The following SGCZ variants were observed in gnomAD, a reference collection of about 807,000 sequenced individuals.
SGCZ encodes zeta-sarcoglycan.
Under a neutral mutation model 41.3 loss-of-function variants are expected in SGCZ, and 40 were observed. The observed-to-expected ratio is 0.97, with a 90% CI of 0.75 to 1.26. SGCZ has a LOEUF of 1.26. Among genes scored for constraint, SGCZ ranks in the 50% most tolerant of loss-of-function variants. SGCZ has a pLI of 0.00. For synonymous variants in SGCZ, 206 were observed against 137.5 expected (o/e 1.50, Z -3.49); for missense variants, 552 against 369.8 (o/e 1.49, Z -4.04).
intron 2 of SGCZ, among the ~76,000 whole-genome samples, chr8:14,368,870 A>T (rs1803811471): frequency 6.6e-6 from 1 of 151,844 alleles, no homozygotes; most frequent in Admixed American, 6.6e-5. Flanking sequence ...AAGAGGGGAA[A>T]TCAAACACCA....
intron 1 of SGCZ, among the ~76,000 whole-genome samples, chr8:14,949,970 T>A (rs1800578251): frequency 6.6e-6 from 1 of 151,972 alleles, no homozygotes; most frequent in Non-Finnish European, 1.5e-5. Context: ...TCTTTAAGAG[T>A]AACCAATAAT....
chr8:14,585,714 A>G (rs1440264765), intron 1 of SGCZ, among the ~76,000 whole-genome samples: 3 of 152,184 alleles, frequency 2.0e-5, no homozygotes, highest in Middle Eastern at 3.2e-3. Context: ...CAAAAAATAT[A>G]TAATGTTTCT....
chr8:15,202,593 C>A (rs1434371908), intron 1 of SGCZ, among the ~76,000 whole-genome samples: 1 of 152,076 alleles, frequency 6.6e-6, no homozygotes, highest in African/African-American at 2.4e-5. Flanking sequence ...CAGAAATCAC[C>A]ACCAAAGAAT....
In SGCZ at chr8:14,614,858, T is replaced by A. The variant is rs113495381; in HGVS notation, c.40-59932A>T. 9.3e-3 allele frequency among the ~76,000 whole-genome samples: 1,411 copies of A among 152,264 alleles called. 18 individuals are homozygous for A. The highest frequency in any genetic ancestry group is 0.032 in the African/African-American group (1,341 of 41,554). ...ATTTGAATAAAAACCAAATTATATG[T>A]AATGTTGATGACTAAAATGTAAAAT... On this transcript the variant is annotated intron_variant, in intron 1 of 7. Transcript: ENST00000382080.
intron 1 of SGCZ, among the ~76,000 whole-genome samples, chr8:14,908,732 T>C (rs117582251): frequency 0.013 from 1,599 of 125,094 alleles, 79 homozygotes; most frequent in Admixed American, 0.11. Flanking sequence ...CCTGGTGATC[T>C]GTCACCGTTG....
chr8:14,794,758 T>C (rs891387055), intron 1 of SGCZ, among the ~76,000 whole-genome samples: 2 of 152,216 alleles, frequency 1.3e-5, no homozygotes, highest in African/African-American at 4.8e-5. Flanking sequence ...AGAACTTGGT[T>C]ATAAAGAGAT....
At chr8:14,936,017 C>A (rs1163761650) in intron 1 of SGCZ, among the ~76,000 whole-genome samples, 1 of 151,854 alleles carries the variant, frequency 6.6e-6, no homozygotes, top group Non-Finnish European at 1.5e-5. Context: ...GATCGATTCA[C>A]TAAGATAATG....
chr8:14,163,225 T>G (rs1398849984), intron 5 of SGCZ, among the ~76,000 whole-genome samples: 2 of 152,118 alleles, frequency 1.3e-5, no homozygotes, highest in South Asian at 4.1e-4. Flanking sequence ...AGAGGTAAAC[T>G]TGTGTCGTGG....
At chr8:15,190,334 T>TTTCA (rs111964133) in intron 1 of SGCZ, among the ~76,000 whole-genome samples, 8,429 of 150,558 alleles carry the variant, frequency 0.056, 373 homozygotes, top group East Asian at 0.23. Context: ...GGATAATTCA[T>TTTCA]TTCATTCATT....
chr8:14,412,545 T>C (rs1799388380), intron 2 of SGCZ, among the ~76,000 whole-genome samples: 1 of 152,090 alleles, frequency 6.6e-6, no homozygotes, highest in African/African-American at 2.4e-5. Context: ...AAATAATTCA[T>C]CTAGTCATCA....
At chr8:14,850,284 G>C (rs1803268597) in intron 1 of SGCZ, among the ~76,000 whole-genome samples, 1 of 152,118 alleles carries the variant, frequency 6.6e-6, no homozygotes, top group African/African-American at 2.4e-5. Flanking sequence ...GGGCCGTGAA[G>C]TTATAATCAT....
At chr8:14,262,722 T>C (rs376215345) in intron 3 of SGCZ, among the ~76,000 whole-genome samples, 2 of 150,740 alleles carry the variant, frequency 1.3e-5, no homozygotes, top group African/African-American at 4.9e-5. Context: ...TCATCTACCA[T>C]CATCAAAGAT....
intron 1 of SGCZ, among the ~76,000 whole-genome samples, chr8:14,615,152 T>C (rs1806058189): frequency 6.6e-6 from 1 of 152,222 alleles, no homozygotes; most frequent in Admixed American, 6.5e-5. Context: ...ATTTGGACAC[T>C]TTCTCCCATA....
chr8:15,171,804 C>T (rs965023359), intron 1 of SGCZ, among the ~76,000 whole-genome samples: 5 of 152,244 alleles, frequency 3.3e-5, no homozygotes, highest in African/African-American at 1.2e-4. Flanking sequence ...CCTGTAGGGA[C>T]ACCTAGTAAA....
intron 1 of SGCZ, among the ~76,000 whole-genome samples, chr8:14,810,063 C>T (rs1801693775): frequency 6.6e-6 from 1 of 151,878 alleles, no homozygotes; most frequent in African/African-American, 2.4e-5. Context: ...ATACCACAGA[C>T]TATTTTAGAA....
intron 2 of SGCZ, among the ~76,000 whole-genome samples, chr8:14,468,321 C>A (rs17302533): frequency 0.057 from 8,717 of 152,104 alleles, 362 homozygotes; most frequent in Non-Finnish European, 0.093. Context: ...AAAATGACTA[C>A]CCTTATCTTT....
At chr8:14,217,080 G>C (rs926711752) in intron 4 of SGCZ, among the ~76,000 whole-genome samples, 1 of 152,086 alleles carries the variant, frequency 6.6e-6, no homozygotes, top group Admixed American at 6.6e-5. Context: ...GAGGTCAGGG[G>C]ATAGAGACCA....
At chr8:14,101,124 G>GA (rs554436410) in intron 7 of SGCZ, among the ~76,000 whole-genome samples, 40 of 149,440 alleles carry the variant, frequency 2.7e-4, no homozygotes, top group Admixed American at 1.1e-3. Context: ...GTCCAGGTTT[G>GA]AAAAAAAAAG....
intron 4 of SGCZ, among the ~76,000 whole-genome samples, chr8:14,181,027 T>G (rs1804707422): frequency 1.3e-5 from 2 of 152,112 alleles, no homozygotes; most frequent in South Asian, 4.1e-4. Flanking sequence ...TTGCAAGGCC[T>G]GAATTTAGCA....
Sources: allele counts gnomAD v4.1 joint callset (sites outside exome capture counted in the v4.1 genomes callset), GRCh38; gene constraint gnomAD v4.1.1; transcripts MANE v1.5; gene names NCBI Gene and HGNC (gene_info 2026-07-23, HGNC 2026-07-21).